The following RERE variants were observed in gnomAD, a reference collection of about 807,000 sequenced individuals.
RERE encodes the protein arginine-glutamic acid dipeptide repeats, also known as arginine-glutamic acid dipeptide repeats protein.
Under a neutral mutation model 146.1 loss-of-function variants are expected in RERE, and 40 were observed. That is an observed-to-expected ratio of 0.27 (90% CI 0.21 to 0.36). The LOEUF (loss-of-function observed/expected upper bound fraction) is 0.36, where lower values mean the gene tolerates loss of function less well. RERE is among the 10% of genes least tolerant of loss of function. RERE has a pLI of 1.00. For synonymous variants in RERE, 1,003 were observed against 866.0 expected (o/e 1.16, Z -2.78); for missense variants, 1,933 against 2,138.7 (o/e 0.90, Z 1.90).
At chr1:8,618,110 A>C (rs1031745435) in intron 3 of RERE, among the ~76,000 whole-genome samples, 1 of 152,236 alleles carries the variant, frequency 6.6e-6, no homozygotes, top group Non-Finnish European at 1.5e-5. Flanking sequence ...TACTGTGGAC[A>C]TTACAGCCAG....
chr1:8,771,419 G>C (rs1293645136), intron 1 of RERE, among the ~76,000 whole-genome samples: 1 of 151,824 alleles, frequency 6.6e-6, no homozygotes, highest in African/African-American at 2.4e-5. Context: ...AGATACTCCG[G>C]AGGCTGAGGC....
rs1227491736 is a variant in RERE at position 8,532,960 on chromosome 1, T to C, written c.830+8254A>G. Among the ~76,000 whole-genome samples the C allele has an allele frequency of 2.0e-5, 3 of 151,502 alleles. No individual in the cohort carries two copies. In the South Asian group the frequency reaches 6.3e-4, roughly 32 times the overall value. ...ATTGATCAAGCTGGTCTCAAACTCC[T>C]GACCTCAAGTGATCCACCGCCTCAG... On this transcript the variant is annotated intron_variant, in intron 7 of 22. Coordinates refer to ENST00000400908, the MANE Select transcript of RERE (RefSeq NM_001042681.2).
intron 12 of RERE, among the ~76,000 whole-genome samples, chr1:8,394,636 T>A (rs1278997515): frequency 6.6e-6 from 1 of 152,180 alleles, no homozygotes; most frequent in Non-Finnish European, 1.5e-5. Context: ...CATCACTCAG[T>A]GCTGGAGAGG....
intron 1 of RERE, among the ~76,000 whole-genome samples, chr1:8,807,691 G>A (rs1030959966): frequency 6.6e-6 from 1 of 152,016 alleles, no homozygotes; most frequent in Non-Finnish European, 1.5e-5. Context: ...TCAAGTGCAA[G>A]ATAGAAAAAA....
intron 17 of RERE, 99 bp downstream of exon 17, chr1:8,361,664 C>G (rs1219338987): frequency 1.1e-5 from 15 of 1,339,910 alleles, no homozygotes; most frequent in Non-Finnish European, 1.5e-5. Flanking sequence ...CAGCCCCACC[C>G]TAGGAGACAG....
chr1:8,626,503 G>A (rs564685021), intron 2 of RERE, among the ~76,000 whole-genome samples: 1 of 152,238 alleles, frequency 6.6e-6, no homozygotes, highest in Admixed American at 6.5e-5. Flanking sequence ...CCAACCCAAA[G>A]GGCATCAGCC....
At chr1:8,407,768 A>C (rs984092643) in intron 12 of RERE, among the ~76,000 whole-genome samples, 2 of 152,342 alleles carry the variant, frequency 1.3e-5, no homozygotes, top group East Asian at 3.9e-4. Context: ...ACAAGGTCAA[A>C]GCAGCATTTA....
At chr1:8,815,369 C>A (rs955697004) in intron 1 of RERE, among the ~76,000 whole-genome samples, 4 of 152,200 alleles carry the variant, frequency 2.6e-5, no homozygotes, top group African/African-American at 9.7e-5. Flanking sequence ...AAATCTATTT[C>A]TATCTAGAAA....
chr1:8,364,702 C>T lies in RERE; in HGVS notation c.1540+44G>A. ...ATGAAATGTTCAGAACATGGAAGTG[C>T]TTGTGCCCCCGCCCCGCCCCAGGAG... is the stretch of plus-strand genomic sequence containing the variant. On this transcript the variant is annotated intron_variant, in intron 14 of 22. Transcript: ENST00000400908. The surrounding 1 kb of genome is among the most constrained non-coding windows in gnomAD (Gnocchi z 5.1). 1 of 1,419,696 alleles carries T rather than the reference C, an allele frequency of 7.0e-7. No individual in the cohort carries two copies. Among genetic ancestry groups the T allele is most frequent in the South Asian group, 1.2e-5 (1 of 86,854 alleles). 87.9% of individuals were successfully genotyped at this position (1,419,696 alleles called of 1,614,324 possible).
intron 1 of RERE, among the ~76,000 whole-genome samples, chr1:8,763,011 T>A (rs1640783770): frequency 6.6e-6 from 1 of 152,050 alleles, no homozygotes; most frequent in Non-Finnish European, 1.5e-5. Flanking sequence ...TAAAAGAAGT[T>A]AGGGTCCAGT....
intron 6 of RERE, among the ~76,000 whole-genome samples, chr1:8,545,641 T>TA (rs780820679): frequency 6.7e-6 from 1 of 149,994 alleles, no homozygotes; most frequent in Admixed American, 6.6e-5. Flanking sequence ...GTCTTAAGAA[T>TA]AAAAAATTAT....
At chr1:8,717,709 G>A (rs573413124) in intron 1 of RERE, among the ~76,000 whole-genome samples, 14 of 152,168 alleles carry the variant, frequency 9.2e-5, no homozygotes, top group Non-Finnish European at 1.2e-4. Flanking sequence ...GATAAACTTC[G>A]AAAGGAGATA....
chr1:8,377,345 T>C (rs369292618), intron 12 of RERE, among the ~76,000 whole-genome samples: 1 of 152,214 alleles, frequency 6.6e-6, no homozygotes, highest in African/African-American at 2.4e-5. Flanking sequence ...TGTTTAAATA[T>C]AGGATGTAAA....
At chr1:8,641,534 GA>G (rs1381473692) in intron 2 of RERE, among the ~76,000 whole-genome samples, 2 of 152,112 alleles carry the variant, frequency 1.3e-5, no homozygotes, top group Non-Finnish European at 2.9e-5. Flanking sequence ...ACTGTGATTG[GA>G]ACTCTGTCAC....
At position 8,459,766 on chromosome 1, in the gene RERE, G is replaced by A. The variant is rs559394137; in HGVS notation, c.1203+6159C>T. Among the ~76,000 whole-genome samples, 19 of 152,226 alleles carry A rather than the reference G, an allele frequency of 1.2e-4. No homozygotes were observed. The South Asian group carries it at 3.9e-3, about 32-fold the overall frequency. ...AAATTCCCTTTAATGATTTTAGGAT[G>A]TTGTTCTAACAATAAAAAAAACAAT... On this transcript the variant is annotated intron_variant, in intron 11 of 22. Coordinates refer to ENST00000400908, the MANE Select transcript of RERE (RefSeq NM_001042681.2).
intron 1 of RERE, among the ~76,000 whole-genome samples, chr1:8,770,201 G>A (rs1020536325): frequency 6.6e-6 from 1 of 152,096 alleles, no homozygotes; most frequent in African/African-American, 2.4e-5. Context: ...ACTGAACACA[G>A]TGTTTTCACC....
In RERE at chr1:8,423,202, AG is replaced by A; in HGVS notation, c.1204-396del. On this transcript the variant is annotated intron_variant, in intron 11 of 22. Transcript: ENST00000400908. The surrounding 1 kb of genome is among the most constrained non-coding windows in gnomAD (Gnocchi z 5.4). The stretch of plus-strand genomic sequence containing the variant: ...AGCTTCCCAGAAGTGTCGAGCAGAA[AG>A]GGGAAACAGAACCAAACCCGGTGAC... 1 of 166,910 alleles carries A rather than the reference AG, an allele frequency of 6.0e-6. No homozygotes were observed. The highest frequency in any genetic ancestry group is 2.4e-5 in the African/African-American group (1 of 42,078). 10.3% of individuals were successfully genotyped at this position (166,910 alleles called of 1,614,324 possible). A position where few individuals can be genotyped will look rare whatever the true frequency, so the allele number is the denominator to read the frequency against.
chr1:8,797,376 TA>T (rs34435165), intron 1 of RERE, among the ~76,000 whole-genome samples: 123,854 of 146,672 alleles, frequency 0.84, 52,267 homozygotes, highest in East Asian at 0.95. Context: ...AGACTCCGCC[TA>T]AAAAAAAAAA....
rs560827462 is a variant in RERE, at chr1:8,677,247, T to C, written c.-144-20806A>G. ...GAGTTCGAGACCAGCCTGGCCAACA[T>C]GGTAAAACCCTGTCTCTATTAAAAA... On this transcript the variant is annotated intron_variant, in intron 1 of 22. Coordinates refer to ENST00000400908, the MANE Select transcript of RERE (RefSeq NM_001042681.2). Among the ~76,000 whole-genome samples the C allele has an allele frequency of 6.7e-4, 102 of 152,018 alleles. 1 individual carries two copies. Among genetic ancestry groups the C allele is most frequent in the African/African-American group, 2.4e-3 (99 of 41,456 alleles).
Sources: gnomAD v4.1 joint callset for allele counts (sites outside exome capture counted in the v4.1 genomes callset) on GRCh38, gnomAD v4.1.1 for gene constraint, Gnocchi (gnomAD v3.1) non-coding constraint, MANE v1.5 for transcripts, NCBI Gene and HGNC (gene_info 2026-07-23, HGNC 2026-07-21) for gene names.